Variants in TRIM66 observed in about 807,000 individuals in gnomAD.
TRIM66 encodes tripartite motif-containing protein 66.
TRIM66 carries 99 observed loss-of-function variants against 148.2 expected under a neutral mutation model. The ratio of observed to expected loss-of-function variants is 0.67; its 90% confidence interval spans 0.57 to 0.79. The LOEUF is 0.79. Among genes scored for constraint, TRIM66 ranks in the 30% least tolerant of loss-of-function variants. The pLI, the probability that TRIM66 is intolerant of heterozygous loss-of-function variation, is 0.00. For missense variants in TRIM66, 1,666 were observed against 1,697.9 expected (o/e 0.98, Z 0.33); for synonymous variants, 616 against 635.9 (o/e 0.97, Z 0.47).
Position 8,651,836 on chromosome 11 carries a change from C to G in TRIM66, c.408G>C (p.Leu136=). Residue 136 remains leucine, a synonymous_variant, in exon 7 of 25, where the codon CTG becomes CTC. Coordinates refer to ENST00000646038, the MANE Select transcript of TRIM66 (RefSeq NM_001388022.1). ...TGGGTTGCTCAGTAGGAACACAATG[C>G]AGAAAAAAATGTTCAGTTACATCCC... ...LTRDVTEHFF[L]HCVPTEQPKM... is the part of the protein sequence containing the mutation. 6.4e-7 allele frequency: 1 copy of G among 1,551,670 alleles called. No individual in the cohort carries two copies. The highest frequency in any genetic ancestry group is 2.4e-5 in the East Asian group (1 of 40,926).
chr11:8,622,791 G>A (rs2034430048), intron 18 of TRIM66, 25 bp downstream of exon 18: 3 of 1,548,462 alleles, frequency 1.9e-6, no homozygotes, highest in East Asian at 2.4e-5. Context: ...ATGGGTGGGA[G>A]GGAGATTAGC....
At chr11:8,638,627 G>A in intron 15 of TRIM66, 27 bp downstream of exon 15, 1 of 1,543,106 alleles carries the variant, frequency 6.5e-7, no homozygotes, top group Non-Finnish European at 8.7e-7. Context: ...GTCCCATGTA[G>A]TTAGGGAAAA....
In TRIM66 at chr11:8,617,212, G is replaced by A. The variant is rs572581293; in HGVS notation, c.*732C>T. Reference sequence around the variant, plus strand: ...AGTGGACATCTTACTAAGTCTGTAAGTGAAATCTGAACCAGAAGATTTAAG... The same window carrying A: ...AGTGGACATCTTACTAAGTCTGTAAATGAAATCTGAACCAGAAGATTTAAG... On this transcript the variant is annotated 3_prime_UTR_variant, in exon 25 of 25. Coordinates refer to ENST00000646038, the MANE Select transcript of TRIM66 (RefSeq NM_001388022.1). 1 of 152,468 alleles carries A rather than the reference G, an allele frequency of 6.6e-6. No individual in the cohort carries two copies. Among genetic ancestry groups the A allele is most frequent in the South Asian group, 2.1e-4 (1 of 4,834 alleles). The allele number at this position is 152,468 out of a possible 1,614,324, so 9.4% of individuals were successfully genotyped here.
intron 1 of TRIM66, among the ~76,000 whole-genome samples, chr11:8,681,553 A>T (rs963629220): frequency 6.6e-6 from 1 of 152,200 alleles, no homozygotes; most frequent in African/African-American, 2.4e-5. Context: ...GATTTTAAAA[A>T]TTTATTTCAT....
chr11:8,673,108 T>G (rs1226369214), intron 4 of TRIM66, among the ~76,000 whole-genome samples: 2 of 151,590 alleles, frequency 1.3e-5, no homozygotes, highest in East Asian at 1.9e-4. Context: ...CTGGCTAATT[T>G]TTTTTGTATT....
chr11:8,653,129 G>A (rs988547845), intron 6 of TRIM66, among the ~76,000 whole-genome samples: 21 of 152,316 alleles, frequency 1.4e-4, no homozygotes, highest in Middle Eastern at 3.4e-3. Flanking sequence ...CTCTGGTGAC[G>A]AAAGTTAGTT....
chr11:8,621,174 C>A lies in TRIM66; in HGVS notation c.3403G>T (p.Ala1135Ser). 1 of 1,551,728 alleles carries A rather than the reference C, an allele frequency of 6.4e-7. No homozygotes were observed. Among genetic ancestry groups the A allele is most frequent in the Admixed American group, 2.0e-5 (1 of 51,016 alleles). The change falls in exon 20 of 25, where the codon GCC becomes TCC. Residue 1135 changes from alanine (A) to serine (S), a missense_variant. This residue lies in a region of TRIM66 where 1,431 missense variants were observed against 1,412.4 expected (regional missense o/e 1.01). Transcript: ENST00000646038. ...ATTGGGGCTGGGGGGCCCTTCTTGG[C>A]TCCTGGGGTTCGAGGAATGAGTCTG... ...EHRLIPRTPG[A>S]KKGPPAPIEN...
chr11:8,641,713 A>G (rs2036408768), intron 13 of TRIM66, among the ~76,000 whole-genome samples: 1 of 151,988 alleles, frequency 6.6e-6, no homozygotes, highest in South Asian at 2.1e-4. Context: ...CCAGTGTTGG[A>G]GGTGGGGCCT....
chr11:8,672,122 G>A (rs758645456), intron 5 of TRIM66, 24 bp from the exon 6 acceptor site: 3 of 1,529,408 alleles, frequency 2.0e-6, no homozygotes, highest in Non-Finnish European at 2.6e-6. Context: ...ACAAAGCAGA[G>A]TGATCTACTT....
chr11:8,663,749 G>T (rs952353937), intron 6 of TRIM66, among the ~76,000 whole-genome samples: 5 of 152,052 alleles, frequency 3.3e-5, no homozygotes, highest in Admixed American at 2.6e-4. Flanking sequence ...GTCTACTGAT[G>T]AATGGATAAA....
In TRIM66 at chr11:8,672,252, G is replaced by A. The variant is rs1194155870; in HGVS notation, c.23C>T (p.Ser8Phe). ...GCCTCAGCCTCAGTTCCTCACCTGG[G>A]ACCAAAAAGAGAGTCTAGCCATCTC... Reference protein sequence around the residue: MARLSFWSQGVELARSTR... With the variant: MARLSFWFQGVELARSTR... Residue 8 changes from serine to phenylalanine, a missense_variant, in exon 5 of 25, where the codon TCC becomes TTC. Ser to Phe is a radical substitution (Grantham distance 155). Around this residue, in one of 3 missense-constraint regions of TRIM66, gnomAD observed 1,431 missense variants for 1,412.4 expected, o/e 1.01. Transcript: ENST00000646038. The A allele has an allele frequency of 2.0e-5, 30 of 1,535,998 alleles. No homozygotes were observed. The East Asian group carries it at 7.3e-4, about 38-fold the overall frequency.
intron 6 of TRIM66, among the ~76,000 whole-genome samples, chr11:8,668,494 G>A (rs1377058533): frequency 6.6e-6 from 1 of 152,138 alleles, no homozygotes; most frequent in Non-Finnish European, 1.5e-5. Context: ...TGGTTGTCAG[G>A]CAGAAACCTC....
intron 15 of TRIM66, among the ~76,000 whole-genome samples, chr11:8,633,502 T>C (rs1490535918): frequency 2.0e-5 from 3 of 151,882 alleles, no homozygotes; most frequent in Admixed American, 6.6e-5. Context: ...CTTCTTAGAG[T>C]GTGCTAAGTT....
intron 15 of TRIM66, among the ~76,000 whole-genome samples, chr11:8,637,600 AC>A (rs1251706144): frequency 6.6e-6 from 1 of 152,186 alleles, no homozygotes; most frequent in Non-Finnish European, 1.5e-5. Flanking sequence ...ACGGAGACTG[AC>A]TGTTCTAAGA....
chr11:8,641,747 G>C (rs922995360), intron 13 of TRIM66, among the ~76,000 whole-genome samples: 3 of 152,140 alleles, frequency 2.0e-5, no homozygotes, highest in African/African-American at 7.2e-5. Context: ...TGGATCGTGG[G>C]GGCGGATCCC....
At chr11:8,683,146 G>A (rs893719010), upstream of TRIM66, 14 of 1,542,778 alleles carry the variant, frequency 9.1e-6, no homozygotes, top group Middle Eastern at 1.7e-4. Flanking sequence ...CGGCTGGCGG[G>A]CATCGCCCCC....
At chr11:8,656,837 T>C (rs1285052151) in intron 6 of TRIM66, among the ~76,000 whole-genome samples, 1 of 152,140 alleles carries the variant, frequency 6.6e-6, no homozygotes, top group Non-Finnish European at 1.5e-5. Flanking sequence ...AGACTCTGAA[T>C]TCAGCTGTGA....
At position 8,640,549 on chromosome 11, in the gene TRIM66, A is replaced by C. The variant is rs963291914; in HGVS notation, c.1826T>G (p.Leu609Arg). 2.3e-5 allele frequency: 24 copies of C among 1,065,434 alleles called. No homozygotes were observed. Among genetic ancestry groups the C allele is most frequent in the East Asian group, 3.2e-5 (1 of 31,204 alleles). The allele number at this position is 1,065,434 out of a possible 1,614,324, so 66.0% of individuals were successfully genotyped here. A position where few individuals can be genotyped will look rare whatever the true frequency, so the allele number is the denominator to read the frequency against. ...GGGAAGGGGAGGTGGGGGATGGGGG[A>C]GGGGTGGTGGTGGAGGTGGTAGCTG... ...QQQLPPPPPP[L>R]PHPPPPLPPP... Residue 609 changes from leucine (L) to arginine (R), a missense_variant, in exon 14 of 25, where the codon CTC becomes CGC. Transcript: ENST00000646038.
At chr11:8,678,904 C>T (rs2039301038) in intron 3 of TRIM66, among the ~76,000 whole-genome samples, 1 of 152,118 alleles carries the variant, frequency 6.6e-6, no homozygotes, top group Non-Finnish European at 1.5e-5. Context: ...CCTGGGGCAG[C>T]AAAAAATCAG....
Sources: gnomAD v4.1 joint callset for allele counts (sites outside exome capture counted in the v4.1 genomes callset) on GRCh38, gnomAD v4.1.1 for gene constraint, gnomAD v4.1.1 regional missense constraint, MANE v1.5 for transcripts, NCBI Gene and HGNC (gene_info 2026-07-23, HGNC 2026-07-21) for gene names.